ATP13A4: variants seen among roughly 807,000 people sequenced by gnomAD.
ATP13A4 encodes probable cation-transporting ATPase 13A4.
A neutral mutation model predicts 142.5 loss-of-function variants in ATP13A4; 114 were observed. That is an observed-to-expected ratio of 0.80 (90% CI 0.69 to 0.93). ATP13A4 has a LOEUF of 0.93. Ranked by LOEUF, ATP13A4 falls within the 40% of genes least tolerant of loss-of-function variation. The pLI is 0.00. For missense variants in ATP13A4, 1,392 were observed against 1,454.0 expected (o/e 0.96, Z 0.69); for synonymous variants, 488 against 514.8 (o/e 0.95, Z 0.70).
chr3:193,535,811 T>C (rs935358865), intron 1 of ATP13A4, among the ~76,000 whole-genome samples: 3 of 151,948 alleles, frequency 2.0e-5, no homozygotes, highest in East Asian at 1.9e-4. Context: ...ATCATCAATA[T>C]TGGAAAATTT....
chr3:193,420,775 T>C (rs1023224395), intron 25 of ATP13A4, among the ~76,000 whole-genome samples: 1 of 147,958 alleles, frequency 6.8e-6, no homozygotes, highest in African/African-American at 2.5e-5. Context: ...ATGAAAAAAA[T>C]TAATAGAGAG....
rs139137306 is a variant in ATP13A4, at chr3:193,431,603, ATGTGTG to A, written c.2842+2236_2842+2241del. 4.8e-5 allele frequency among the ~76,000 whole-genome samples: 7 copies of A among 146,984 alleles called. No homozygotes were observed. The East Asian group carries it at 5.9e-4, about 12-fold the overall frequency. ...TAAAGTTACTTGTTTCTATATATGC[ATGTGTG>A]TGTGTGTGTGTGTGTGTGTTTACTA... On this transcript the variant is annotated intron_variant, in intron 25 of 29. Coordinates refer to ENST00000342695, the MANE Select transcript of ATP13A4 (RefSeq NM_032279.4).
At chr3:193,407,461 C>A in intron 28 of ATP13A4, 68 bp from the exon 29 acceptor site, 2 of 1,218,404 alleles carry the variant, frequency 1.6e-6, no homozygotes, top group South Asian at 2.4e-5. Context: ...CTCACATGTT[C>A]ACAGCATATA....
At chr3:193,410,590 A>G (rs541769058) in intron 28 of ATP13A4, among the ~76,000 whole-genome samples, 110 of 152,224 alleles carry the variant, frequency 7.2e-4, no homozygotes, top group African/African-American at 2.6e-3. Flanking sequence ...ATCATGGCAC[A>G]CTTCTGCAGT....
Position 193,418,281 on chromosome 3 carries a change from T to C in ATP13A4, c.2843-3531A>G, listed in dbSNP as rs566610190. Among the ~76,000 whole-genome samples the C allele has an allele frequency of 1.1e-3, 150 of 142,832 alleles. 6 individuals carry two copies. Among genetic ancestry groups the C allele is most frequent in the African/African-American group, 3.4e-3 (129 of 37,930 alleles). 93.7% of individuals were successfully genotyped at this position (142,832 alleles called of 152,430 possible). ...CTGCAGTGAGCCGAGATTGCGCCAC[T>C]GCACTCCAGCCTGGGCAACAGCGAG... On this transcript the variant is annotated intron_variant, in intron 25 of 29. Transcript: ENST00000342695.
chr3:193,485,444 G>A (rs1035549330), intron 7 of ATP13A4, among the ~76,000 whole-genome samples: 4 of 152,188 alleles, frequency 2.6e-5, no homozygotes, highest in Non-Finnish European at 4.4e-5. Flanking sequence ...GCACTAAGGT[G>A]TTAATTGCCT....
At chr3:193,548,771 CA>C (rs1723368956) in intron 1 of ATP13A4, among the ~76,000 whole-genome samples, 1 of 152,186 alleles carries the variant, frequency 6.6e-6, no homozygotes, top group Non-Finnish European at 1.5e-5. Flanking sequence ...ACAGGACTTC[CA>C]ATGTGGTAAC....
chr3:193,459,845 C>A (rs761546129), intron 13 of ATP13A4, among the ~76,000 whole-genome samples: 6 of 152,144 alleles, frequency 3.9e-5, no homozygotes, highest in Non-Finnish European at 5.9e-5. Flanking sequence ...AGAACATAGT[C>A]TCATCTAAAA....
intron 9 of ATP13A4, among the ~76,000 whole-genome samples, 186 bp downstream of exon 9, chr3:193,470,673 A>T (rs1356878299): frequency 6.6e-6 from 1 of 152,224 alleles, no homozygotes; most frequent in African/African-American, 2.4e-5. Context: ...AAGAGCTTTA[A>T]TTTGAACCCT....
chr3:193,528,419 G>T (rs1380559578), intron 1 of ATP13A4, among the ~76,000 whole-genome samples: 1 of 152,178 alleles, frequency 6.6e-6, no homozygotes, highest in Non-Finnish European at 1.5e-5. Flanking sequence ...CTCAGGTTTT[G>T]ACTGACAGAA....
intron 7 of ATP13A4, among the ~76,000 whole-genome samples, chr3:193,486,397 C>T (rs565683787): frequency 3.9e-5 from 6 of 152,170 alleles, no homozygotes; most frequent in Non-Finnish European, 7.3e-5. Context: ...ATTATGCTAA[C>T]TTGAACCGTA....
At chr3:193,474,894 T>A (rs1189135841) in intron 8 of ATP13A4, among the ~76,000 whole-genome samples, 1 of 152,080 alleles carries the variant, frequency 6.6e-6, no homozygotes, top group East Asian at 1.9e-4. Flanking sequence ...TCTTACAACT[T>A]TTTTGTAAGT....
At chr3:193,475,503 T>G (rs1452569306) in intron 8 of ATP13A4, among the ~76,000 whole-genome samples, 2 of 151,918 alleles carry the variant, frequency 1.3e-5, no homozygotes. Context: ...ATATATAATC[T>G]GTTTATATTT....
At chr3:193,535,785 AAAAG>A (rs1722561512) in intron 1 of ATP13A4, among the ~76,000 whole-genome samples, 1 of 152,146 alleles carries the variant, frequency 6.6e-6, no homozygotes, top group Admixed American at 6.5e-5. Context: ...ACTGAGAAAA[AAAAG>A]AGAAGAGACA....
chr3:193,551,129 C>A (rs1052180990), intron 1 of ATP13A4, among the ~76,000 whole-genome samples: 4 of 152,070 alleles, frequency 2.6e-5, no homozygotes, highest in Non-Finnish European at 5.9e-5. Flanking sequence ...AGTACATATT[C>A]CTGGCCAGGT....
Position 193,411,081 on chromosome 3 carries a change from A to G in ATP13A4, c.3209-11T>C, listed in dbSNP as rs1222826754. On this transcript the variant is annotated splice_polypyrimidine_tract_variant and intron_variant, in intron 27 of 29. Coordinates refer to ENST00000342695, the MANE Select transcript of ATP13A4 (RefSeq NM_032279.4). ...CAAGGACAAATATATCTGAGGAAAT[A>G]AGAACACAAGGTATTATTTTGAGAA... 7.7e-6 allele frequency: 12 copies of G among 1,558,016 alleles called. No homozygotes were observed. Among genetic ancestry groups the G allele is most frequent in the Non-Finnish European group, 1.1e-5 (12 of 1,129,146 alleles).
chr3:193,561,226 G>T lies in ATP13A4; in HGVS notation n.291+20481C>A, dbSNP rs557843796. Reference sequence around the variant, plus strand: ...CAAGAGTGTGGCTGGGTGCTGAGCTGCAGAGAGCAACGCTGGGCTGGATTC... The same window carrying T: ...CAAGAGTGTGGCTGGGTGCTGAGCTTCAGAGAGCAACGCTGGGCTGGATTC... On this transcript the variant is annotated intron_variant and non_coding_transcript_variant, in intron 2 of 3. Coordinates refer to the ATP13A4 transcript ENST00000489140. 5.9e-5 allele frequency among the ~76,000 whole-genome samples: 9 copies of T among 152,354 alleles called. No homozygotes were observed. The South Asian group carries it at 1.9e-3, about 32-fold the overall frequency.
intron 13 of ATP13A4, 62 bp downstream of exon 13, chr3:193,462,700 A>T: frequency 6.7e-7 from 1 of 1,496,342 alleles, no homozygotes; most frequent in South Asian, 1.1e-5. Context: ...TCAAGAGAAA[A>T]CACGGAATTT....
intron 1 of ATP13A4, among the ~76,000 whole-genome samples, chr3:193,592,154 G>A (rs866718344): frequency 6.7e-6 from 1 of 148,290 alleles, no homozygotes; most frequent in Non-Finnish European, 1.5e-5. Flanking sequence ...GGGGCGGGTA[G>A]TGGGGAGGAG....
Sources: gnomAD v4.1 joint callset for allele counts (sites outside exome capture counted in the v4.1 genomes callset) on GRCh38, gnomAD v4.1.1 for gene constraint, MANE v1.5 for transcripts, NCBI Gene and HGNC (gene_info 2026-07-23, HGNC 2026-07-21) for gene names.